ZCCHC7: variants seen among roughly 807,000 people sequenced by gnomAD.
ZCCHC7 encodes zinc finger CCHC domain-containing protein 7.
Under a neutral mutation model 52.0 loss-of-function variants are expected in ZCCHC7, and 35 were observed. The ratio of observed to expected loss-of-function variants is 0.67; its 90% confidence interval spans 0.51 to 0.89. ZCCHC7 has a LOEUF of 0.89. Among genes scored for constraint, ZCCHC7 ranks in the 40% least tolerant of loss-of-function variants. The probability of loss-of-function intolerance (pLI) is 0.00; values close to 1 mark genes in which losing one functional copy is unlikely to be tolerated. For missense variants in ZCCHC7, 574 were observed against 649.1 expected, an observed-to-expected ratio of 0.88 and a Z score of 1.26; for synonymous variants, 217 against 221.5, an observed-to-expected ratio of 0.98 and a Z score of 0.18.
chr9:37,233,916 C>A (rs149711010), intron 2 of ZCCHC7, among the ~76,000 whole-genome samples: 1 of 152,140 alleles, frequency 6.6e-6, no homozygotes, highest in African/African-American at 2.4e-5. Context: ...TGCAGTGGCA[C>A]GATCTCGGCT....
In ZCCHC7 at chr9:37,310,812, C is replaced by G. The variant is rs371965608; in HGVS notation, c.951+5098C>G. On this transcript the variant is annotated intron_variant, in intron 5 of 8. Transcript: ENST00000336755. ...ACCAAAAAAAAAATTTAAAAATTAGCCAGGCAGGGTGGCACGCACCTGTAG... is the reference window on the plus strand; with the variant it reads ...ACCAAAAAAAAAATTTAAAAATTAGGCAGGCAGGGTGGCACGCACCTGTAG... 3.3e-5 allele frequency among the ~76,000 whole-genome samples: 5 copies of G among 151,828 alleles called. No individual in the cohort carries two copies. In the East Asian group the frequency reaches 5.8e-4, roughly 18 times the overall value.
chr9:37,161,603 A>G (rs1381170076), intron 2 of ZCCHC7, among the ~76,000 whole-genome samples: 1 of 152,118 alleles, frequency 6.6e-6, no homozygotes, highest in Non-Finnish European at 1.5e-5. Flanking sequence ...AGTGGCACAG[A>G]TCAATTATAA....
At chr9:37,249,701 G>A (rs1030718010) in intron 2 of ZCCHC7, among the ~76,000 whole-genome samples, 5 of 151,840 alleles carry the variant, frequency 3.3e-5, no homozygotes, top group South Asian at 2.1e-4. Flanking sequence ...TGCCCTCCTC[G>A]GCCTCCCAAA....
intron 2 of ZCCHC7, among the ~76,000 whole-genome samples, chr9:37,254,162 A>T (rs1435791877): frequency 1.3e-5 from 2 of 152,016 alleles, no homozygotes; most frequent in Non-Finnish European, 2.9e-5. Flanking sequence ...GAATAATCAC[A>T]ATTTATTTGT....
At chr9:37,280,742 C>G (rs1051737879) in intron 2 of ZCCHC7, among the ~76,000 whole-genome samples, 1 of 151,918 alleles carries the variant, frequency 6.6e-6, no homozygotes, top group African/African-American at 2.4e-5. Context: ...CTGATTTTCT[C>G]TCTGTCTCTC....
At chr9:37,250,300 CTTT>C (rs1220457810) in intron 2 of ZCCHC7, among the ~76,000 whole-genome samples, 16 of 132,436 alleles carry the variant, frequency 1.2e-4, no homozygotes, top group Non-Finnish European at 1.6e-4. Flanking sequence ...CTTTCTCTCT[CTTT>C]TTTTTTTTTT....
At chr9:37,205,884 GT>G (rs369119545) in intron 2 of ZCCHC7, among the ~76,000 whole-genome samples, 174 of 143,770 alleles carry the variant, frequency 1.2e-3, no homozygotes, top group Admixed American at 2.9e-3. Flanking sequence ...ATTTGTTGGA[GT>G]TTTTTTTTTT....
chr9:37,345,995 GGTTTGC>G (rs1820943447), intron 6 of ZCCHC7, among the ~76,000 whole-genome samples: 1 of 151,840 alleles, frequency 6.6e-6, no homozygotes, highest in Non-Finnish European at 1.5e-5. Context: ...GTTTGGTTTG[GGTTTGC>G]GTTTGGGTTT....
intron 2 of ZCCHC7, among the ~76,000 whole-genome samples, chr9:37,254,064 A>G (rs1412875129): frequency 6.6e-6 from 1 of 152,004 alleles, no homozygotes; most frequent in Non-Finnish European, 1.5e-5. Flanking sequence ...TGATTGGAAT[A>G]TTTAGCAAAA....
intron 2 of ZCCHC7, among the ~76,000 whole-genome samples, chr9:37,159,482 G>C (rs999938735): frequency 6.6e-6 from 1 of 152,044 alleles, no homozygotes; most frequent in African/African-American, 2.4e-5. Context: ...TGTTATTTTT[G>C]AACTCAAAGT....
Position 37,249,354 on chromosome 9 carries a change from G to A in ZCCHC7, c.611-52834G>A, listed in dbSNP as rs562339950. Reference sequence around the variant, plus strand: ...CTTTATCAAACATAGTTTTTACCTCGTTCTCTGTAAGAGCCAATTCCCAGC... The same window carrying A: ...CTTTATCAAACATAGTTTTTACCTCATTCTCTGTAAGAGCCAATTCCCAGC... On this transcript the variant is annotated intron_variant, in intron 2 of 8. Transcript: ENST00000336755. Among the ~76,000 whole-genome samples the A allele has an allele frequency of 1.1e-4, 17 of 149,908 alleles. No homozygotes were observed. The East Asian group carries it at 1.9e-3, about 17-fold the overall frequency.
intron 2 of ZCCHC7, among the ~76,000 whole-genome samples, chr9:37,248,940 A>G (rs917714281): frequency 4.6e-5 from 7 of 152,204 alleles, no homozygotes; most frequent in African/African-American, 9.7e-5. Context: ...TCTTAGAACA[A>G]TCTGTCATAG....
intron 6 of ZCCHC7, among the ~76,000 whole-genome samples, chr9:37,333,391 A>G (rs940291960): frequency 4.0e-5 from 6 of 151,710 alleles, no homozygotes; most frequent in Non-Finnish European, 7.4e-5. Flanking sequence ...TCTACTATAA[A>G]TAGTGACTTC....
intron 6 of ZCCHC7, among the ~76,000 whole-genome samples, chr9:37,346,942 G>A (rs1821013699): frequency 6.6e-6 from 1 of 152,106 alleles, no homozygotes; most frequent in Admixed American, 6.6e-5. Flanking sequence ...GCTGCAGTGA[G>A]CCATGATTGT....
At chr9:37,134,742 TG>T (rs1413966133) in intron 2 of ZCCHC7, among the ~76,000 whole-genome samples, 1 of 152,204 alleles carries the variant, frequency 6.6e-6, no homozygotes, top group Non-Finnish European at 1.5e-5. Flanking sequence ...TTTTATTTTT[TG>T]AGACGGAATT....
intron 5 of ZCCHC7, among the ~76,000 whole-genome samples, chr9:37,315,735 G>GA (rs1430824581): frequency 6.7e-6 from 1 of 149,936 alleles, no homozygotes; most frequent in East Asian, 2.0e-4. Context: ...AATGTAGCAG[G>GA]AAAAAATTCT....
chr9:37,344,844 C>T (rs1335712882), intron 6 of ZCCHC7, among the ~76,000 whole-genome samples: 1 of 152,182 alleles, frequency 6.6e-6, no homozygotes, highest in Non-Finnish European at 1.5e-5. Context: ...GTATTAGGCC[C>T]TCAATAATTA....
At chr9:37,346,563 C>A (rs1323808388) in intron 6 of ZCCHC7, among the ~76,000 whole-genome samples, 1 of 152,130 alleles carries the variant, frequency 6.6e-6, no homozygotes, top group Non-Finnish European at 1.5e-5. Flanking sequence ...ATGGTCCCAG[C>A]TACTCAGGAG....
chr9:37,328,668 TAC>T (rs2118193924), intron 6 of ZCCHC7, among the ~76,000 whole-genome samples: 1 of 152,062 alleles, frequency 6.6e-6, no homozygotes, highest in East Asian at 1.9e-4. Context: ...AAGTTTTGTT[TAC>T]ACAAAGACAG....
Sources: allele counts gnomAD v4.1 joint callset (sites outside exome capture counted in the v4.1 genomes callset), GRCh38; gene constraint gnomAD v4.1.1; transcripts MANE v1.5; gene names NCBI Gene and HGNC (gene_info 2026-07-23, HGNC 2026-07-21).